The following TMEM232 variants were observed in gnomAD, a reference collection of about 807,000 sequenced individuals.
The protein encoded by TMEM232 is transmembrane protein 232.
In TMEM232, 80 loss-of-function variants were observed where a neutral mutation model predicts 78.8. That is an observed-to-expected ratio of 1.01 (90% CI 0.85 to 1.22). TMEM232 has a LOEUF of 1.22. Ranked by LOEUF, TMEM232 falls within the 50% of genes most tolerant of loss-of-function variation. TMEM232 has a pLI of 0.00. For missense variants in TMEM232, 881 were observed against 742.2 expected (o/e 1.19, Z -2.17); for synonymous variants, 297 against 254.3 (o/e 1.17, Z -1.60).
intron 3 of TMEM232, among the ~76,000 whole-genome samples, 157 bp downstream of exon 3, chr5:110,642,103 A>C (rs1459299045): frequency 1.3e-5 from 2 of 152,110 alleles, no homozygotes; most frequent in African/African-American, 4.8e-5. Flanking sequence ...TTTGGTTATA[A>C]GCTTTAATTT....
intron 10 of TMEM232, among the ~76,000 whole-genome samples, chr5:110,598,679 C>A (rs571337681): frequency 3.3e-5 from 5 of 151,650 alleles, no homozygotes; most frequent in African/African-American, 1.2e-4. Context: ...TACTATGCAG[C>A]CATAAAAAAT....
intron 2 of TMEM232, among the ~76,000 whole-genome samples, chr5:110,656,665 C>T (rs1011401443): frequency 5.9e-4 from 90 of 151,966 alleles, no homozygotes; most frequent in African/African-American, 2.1e-3. Context: ...AGTGAAACCC[C>T]GTCTCTACTA....
At chr5:110,728,671 T>C (rs966236426), upstream of TMEM232, among the ~76,000 whole-genome samples, 2 of 151,102 alleles carry the variant, frequency 1.3e-5, no homozygotes, top group African/African-American at 2.4e-5. Flanking sequence ...CATTGAAGTT[T>C]TGACAAGACA....
chr5:110,634,451 A>C (rs1030892433), intron 5 of TMEM232, among the ~76,000 whole-genome samples: 4 of 152,138 alleles, frequency 2.6e-5, no homozygotes, highest in African/African-American at 7.2e-5. Flanking sequence ...GCTAGGCAAA[A>C]AATAAGTCTC....
chr5:110,412,165 C>T (rs569106124), intron 2 of TMEM232, among the ~76,000 whole-genome samples: 4 of 152,148 alleles, frequency 2.6e-5, no homozygotes, highest in Non-Finnish European at 4.4e-5. Flanking sequence ...ATTTGTTCAT[C>T]CTCCCCAAAA....
intron 11 of TMEM232, among the ~76,000 whole-genome samples, chr5:110,563,030 C>T (rs1210668181): frequency 6.6e-6 from 1 of 151,960 alleles, no homozygotes; most frequent in African/African-American, 2.4e-5. Context: ...TAAACATATA[C>T]TATGCCTAAA....
intron 1 of TMEM232, among the ~76,000 whole-genome samples, chr5:110,716,617 CA>C (rs1797044319): frequency 6.6e-6 from 1 of 152,110 alleles, no homozygotes; most frequent in African/African-American, 2.4e-5. Flanking sequence ...GTAATGTAAG[CA>C]AAGGGGAGTG....
chr5:110,685,582 T>C (rs1247493604), intron 1 of TMEM232, among the ~76,000 whole-genome samples: 4 of 152,110 alleles, frequency 2.6e-5, no homozygotes, highest in Admixed American at 6.6e-5. Context: ...TATAACAATG[T>C]AGGAAATCTA....
At chr5:110,591,706 T>C (rs1301629771) in intron 10 of TMEM232, among the ~76,000 whole-genome samples, 1 of 152,180 alleles carries the variant, frequency 6.6e-6, no homozygotes, top group Non-Finnish European at 1.5e-5. Flanking sequence ...TGCTTTGATC[T>C]AGGATTCTGA....
intron 12 of TMEM232, among the ~76,000 whole-genome samples, chr5:110,498,258 C>T (rs557564732): frequency 3.3e-5 from 5 of 152,080 alleles, no homozygotes; most frequent in African/African-American, 9.6e-5. Flanking sequence ...CCTGTAGCTG[C>T]CTCATTTAAT....
chr5:110,528,571 A>G lies in TMEM232; in HGVS notation c.1703+17T>C, dbSNP rs771707932. The G allele has an allele frequency of 3.8e-5, 58 of 1,513,280 alleles. No individual in the cohort carries two copies. In the South Asian group the frequency reaches 6.2e-4, roughly 16 times the overall value. The allele number at this position is 1,513,280 out of a possible 1,614,324, so 93.7% of individuals were successfully genotyped here. A position where few individuals can be genotyped will look rare whatever the true frequency, so the allele number is the denominator to read the frequency against. Reference sequence around the variant, plus strand: ...GTAATGTATTAGAACAATAAAACCGATAGTACTTCTCTTTACCTTACAGTG... The same window carrying G: ...GTAATGTATTAGAACAATAAAACCGGTAGTACTTCTCTTTACCTTACAGTG... On this transcript the variant is annotated intron_variant, in intron 12 of 13. Transcript: ENST00000455884.
intron 2 of TMEM232, among the ~76,000 whole-genome samples, chr5:110,665,688 G>T (rs1324965529): frequency 1.3e-5 from 2 of 151,996 alleles, no homozygotes; most frequent in Non-Finnish European, 2.9e-5. Context: ...AATTCAAGAT[G>T]ATATTTGAAT....
At chr5:110,668,783 A>G (rs576440489) in intron 1 of TMEM232, among the ~76,000 whole-genome samples, 2 of 152,164 alleles carry the variant, frequency 1.3e-5, no homozygotes, top group Non-Finnish European at 2.9e-5. Flanking sequence ...ACTGTCTCGC[A>G]GACCACAGTG....
intron 10 of TMEM232, among the ~76,000 whole-genome samples, chr5:110,587,680 T>C (rs1311060592): frequency 5.1e-5 from 5 of 97,800 alleles, no homozygotes; most frequent in African/African-American, 2.7e-4. Flanking sequence ...TATATATATA[T>C]ATATATATAT....
chr5:110,663,481 T>C (rs1468905979), intron 2 of TMEM232, among the ~76,000 whole-genome samples: 2 of 152,068 alleles, frequency 1.3e-5, no homozygotes, highest in Non-Finnish European at 2.9e-5. Flanking sequence ...TAAGTGTCAC[T>C]TTTGATCTAT....
At chr5:110,699,695 T>C (rs1274264819) in intron 1 of TMEM232, among the ~76,000 whole-genome samples, 1 of 152,090 alleles carries the variant, frequency 6.6e-6, no homozygotes, top group Admixed American at 6.6e-5. Flanking sequence ...TTTTGCCTTC[T>C]CTTGCTACCA....
At chr5:110,427,420 T>C (rs1757360200) in intron 12 of TMEM232, among the ~76,000 whole-genome samples, 1 of 152,052 alleles carries the variant, frequency 6.6e-6, no homozygotes, top group East Asian at 1.9e-4. Context: ...TTATCAATTG[T>C]AAGAAAAAGG....
At chr5:110,425,987 C>A (rs896060621) in intron 12 of TMEM232, among the ~76,000 whole-genome samples, 3 of 152,016 alleles carry the variant, frequency 2.0e-5, no homozygotes, top group African/African-American at 7.2e-5. Context: ...TTTCTCCAGA[C>A]TTCTTTCTTT....
In TMEM232 at chr5:110,420,546, C is replaced by T; in HGVS notation, c.*34G>A. ...ATCCTATGTATTTCTGCCATGTAGTCCTCAATTTTGGGAGGTGACATTTTC... is the reference window on the plus strand; with the variant it reads ...ATCCTATGTATTTCTGCCATGTAGTTCTCAATTTTGGGAGGTGACATTTTC... On this transcript the variant is annotated 3_prime_UTR_variant, in exon 14 of 14. Transcript: ENST00000455884. The T allele has an allele frequency of 1.5e-6, 2 of 1,349,808 alleles. No homozygotes were observed. The highest frequency in any genetic ancestry group is 1.6e-5 in the South Asian group (1 of 62,594). 83.6% of individuals were successfully genotyped at this position (1,349,808 alleles called of 1,614,324 possible).
Sources: gnomAD v4.1 joint callset for allele counts (sites outside exome capture counted in the v4.1 genomes callset) on GRCh38, gnomAD v4.1.1 for gene constraint, MANE v1.5 for transcripts, NCBI Gene and HGNC (gene_info 2026-07-23, HGNC 2026-07-21) for gene names.